Variants in ABHD17C observed in about 807,000 individuals in gnomAD.
ABHD17C encodes the protein abhydrolase domain containing 17C, depalmitoylase, also known as alpha/beta hydrolase domain-containing protein 17C.
Under a neutral mutation model 27.9 loss-of-function variants are expected in ABHD17C, and 11 were observed. The observed-to-expected ratio is 0.39, with a 90% CI of 0.25 to 0.65. The LOEUF is 0.65. Among genes scored for constraint, ABHD17C ranks in the 30% least tolerant of loss-of-function variants. ABHD17C has a pLI of 0.45. For missense variants in ABHD17C, 280 were observed against 470.2 expected (o/e 0.60, Z 3.74); for synonymous variants, 233 against 209.1 (o/e 1.11, Z -0.98).
chr15:80,755,340 T>C lies in ABHD17C; in HGVS notation c.*970T>C, dbSNP rs935416417. 1 of 152,222 alleles carries C rather than the reference T, an allele frequency of 6.6e-6. No individual in the cohort carries two copies. Among genetic ancestry groups the C allele is most frequent in the African/African-American group, 2.4e-5 (1 of 41,452 alleles). The allele number at this position is 152,222 out of a possible 1,614,324, so 9.4% of individuals were successfully genotyped here. On this transcript the variant is annotated 3_prime_UTR_variant, in exon 3 of 3. Transcript: ENST00000258884. ...TGTAATTAAAATTTCACTAAACTAA[T>C]CTTTTTAGTTTAGGAATTATTTGGG... is the stretch of plus-strand genomic sequence containing the variant.
chr15:80,727,217 T>TGA (rs1894993455), intron 1 of ABHD17C, among the ~76,000 whole-genome samples: 1 of 152,334 alleles, frequency 6.6e-6, no homozygotes, highest in African/African-American at 2.4e-5. Flanking sequence ...TCCCACATGG[T>TGA]GAGAGATCTG....
chr15:80,749,808 T>TG, intron 2 of ABHD17C, 116 bp downstream of exon 2: 1 of 1,279,514 alleles, frequency 7.8e-7, no homozygotes, highest in Non-Finnish European at 1.1e-6. Context: ...TCAGACCCTG[T>TG]GCTGGGTGCC....
rs1555421863 is a variant in ABHD17C at position 80,705,333 on chromosome 15, T to TTGTGTGTGTGTGTGTATG, written c.590+9329_590+9330insATGTGTGTGTGTGTGTGT. Among the ~76,000 whole-genome samples, 548 of 106,888 alleles carry TTGTGTGTGTGTGTGTATG rather than the reference T, an allele frequency of 5.1e-3. 2 individuals carry two copies. Among genetic ancestry groups the TTGTGTGTGTGTGTGTATG allele is most frequent in the African/African-American group, 0.018 (526 of 28,450 alleles). 70.1% of individuals were successfully genotyped at this position (106,888 alleles called of 152,430 possible). ...CCTGCAGTTCTGAGCTTCCTATGAT[T>TTGTGTGTGTGTGTGTATG]TGTGTGTGTGTGTGTGTGTGTGTGT... On this transcript the variant is annotated intron_variant, in intron 1 of 2. Transcript: ENST00000258884.
At chr15:80,748,865 C>T (rs555357789) in intron 1 of ABHD17C, among the ~76,000 whole-genome samples, 14 of 151,578 alleles carry the variant, frequency 9.2e-5, no homozygotes, top group African/African-American at 3.4e-4. Context: ...GGTCTCTGCA[C>T]GCACCAGGCT....
intron 1 of ABHD17C, among the ~76,000 whole-genome samples, chr15:80,730,072 GC>G (rs1362011683): frequency 1.3e-5 from 2 of 151,934 alleles, no homozygotes; most frequent in African/African-American, 4.8e-5. Flanking sequence ...TCGCGCCACT[GC>G]CCTCCAGCCT....
intron 1 of ABHD17C, among the ~76,000 whole-genome samples, chr15:80,745,319 G>A (rs896270001): frequency 6.6e-6 from 1 of 151,796 alleles, no homozygotes; most frequent in African/African-American, 2.4e-5. Context: ...TTTAATTTTG[G>A]TAGGTTTAAG....
intron 1 of ABHD17C, among the ~76,000 whole-genome samples, chr15:80,710,965 C>T (rs538999117): frequency 5.9e-5 from 9 of 152,136 alleles, no homozygotes; most frequent in East Asian, 1.9e-4. Flanking sequence ...GAGCTGTAGG[C>T]GCTCATCAGA....
intron 1 of ABHD17C, among the ~76,000 whole-genome samples, chr15:80,723,436 C>G (rs1255407436): frequency 6.6e-6 from 1 of 151,964 alleles, no homozygotes; most frequent in East Asian, 1.9e-4. Context: ...ATTTGGTGTC[C>G]CATAAGGAAG....
At chr15:80,714,136 G>A (rs1484663627) in intron 1 of ABHD17C, among the ~76,000 whole-genome samples, 1 of 151,876 alleles carries the variant, frequency 6.6e-6, no homozygotes, top group African/African-American at 2.4e-5. Flanking sequence ...GTATTTTTTT[G>A]TAGAGAAGAG....
intron 1 of ABHD17C, among the ~76,000 whole-genome samples, chr15:80,722,076 C>T (rs1355014684): frequency 6.6e-6 from 1 of 151,970 alleles, no homozygotes; most frequent in Non-Finnish European, 1.5e-5. Flanking sequence ...CCCTGCAGCC[C>T]TGTTATAGCA....
At position 80,749,601 on chromosome 15, in the gene ABHD17C, G is replaced by T; in HGVS notation, c.679G>T (p.Ala227Ser). ...TVDLASRYECAAVILHSPLMS... is the reference protein window; with the variant it reads ...TVDLASRYECSAVILHSPLMS... Reference sequence around the variant, plus strand: ...AGACTTGGCCTCGAGGTATGAATGCGCAGCGGTAATTCTCCATTCCCCTCT... The same window carrying T: ...AGACTTGGCCTCGAGGTATGAATGCTCAGCGGTAATTCTCCATTCCCCTCT... Residue 227 changes from alanine to serine, a missense_variant, in exon 2 of 3, where the codon GCA becomes TCA. Transcript: ENST00000258884. 3 of 1,613,922 alleles carry T rather than the reference G, an allele frequency of 1.9e-6. No individual in the cohort carries two copies. Among genetic ancestry groups the T allele is most frequent in the Non-Finnish European group, 2.5e-6 (3 of 1,179,848 alleles).
intron 1 of ABHD17C, among the ~76,000 whole-genome samples, chr15:80,715,415 C>T (rs577892608): frequency 6.9e-4 from 105 of 152,312 alleles, no homozygotes; most frequent in Non-Finnish European, 1.4e-3. Context: ...CCTGCCTACA[C>T]TGTTTAATCT....
chr15:80,705,908 A>C (rs1229107320), intron 1 of ABHD17C, among the ~76,000 whole-genome samples: 1 of 152,150 alleles, frequency 6.6e-6, no homozygotes, highest in African/African-American at 2.4e-5. Context: ...CCCTACCTGT[A>C]ATCCAACACC....
intron 1 of ABHD17C, among the ~76,000 whole-genome samples, chr15:80,710,720 T>C (rs1894717766): frequency 6.6e-6 from 1 of 152,036 alleles, no homozygotes; most frequent in Non-Finnish European, 1.5e-5. Context: ...ATTTTTTTTC[T>C]TTTTTTTCTT....
At chr15:80,700,972 G>A (rs1894563708) in intron 1 of ABHD17C, among the ~76,000 whole-genome samples, 2 of 152,176 alleles carry the variant, frequency 1.3e-5, no homozygotes, top group South Asian at 2.1e-4. Context: ...GTGCCAGACC[G>A]TGTACTACGT....
intron 1 of ABHD17C, among the ~76,000 whole-genome samples, chr15:80,745,154 A>G (rs1260249115): frequency 6.6e-6 from 1 of 152,178 alleles, no homozygotes; most frequent in Non-Finnish European, 1.5e-5. Flanking sequence ...GACATAGACT[A>G]TCCCCAGCAT....
At chr15:80,742,181 A>G (rs1895220185) in intron 1 of ABHD17C, among the ~76,000 whole-genome samples, 1 of 152,152 alleles carries the variant, frequency 6.6e-6, no homozygotes, top group Non-Finnish European at 1.5e-5. Flanking sequence ...GAGTTGCCTC[A>G]CGTGATTATG....
intron 1 of ABHD17C, among the ~76,000 whole-genome samples, chr15:80,704,027 C>G (rs887379861): frequency 1.3e-5 from 2 of 152,206 alleles, no homozygotes; most frequent in African/African-American, 2.4e-5. Context: ...TGTGATTTCT[C>G]TCTCACAGAG....
At position 80,711,528 on chromosome 15, in the gene ABHD17C, G is replaced by A. The variant is rs933150852; in HGVS notation, c.590+15509G>A. Among the ~76,000 whole-genome samples, 3 of 152,126 alleles carry A rather than the reference G, an allele frequency of 2.0e-5. No homozygotes were observed. In the East Asian group the frequency reaches 5.8e-4, roughly 29 times the overall value. On this transcript the variant is annotated intron_variant, in intron 1 of 2. Transcript: ENST00000258884. ...TCTTGTCATTACTGCATGCTGCCTG[G>A]CTTCCACTAGATTATTTCCAAAAAA...
Sources: allele counts gnomAD v4.1 joint callset (sites outside exome capture counted in the v4.1 genomes callset), GRCh38; gene constraint gnomAD v4.1.1; transcripts MANE v1.5; gene names NCBI Gene and HGNC (gene_info 2026-07-23, HGNC 2026-07-21).